Variants in RNF216 observed in about 807,000 individuals in gnomAD.
RNF216 encodes E3 ubiquitin-protein ligase RNF216.
RNF216 carries 72 observed loss-of-function variants against 110.8 expected under a neutral mutation model. The ratio of observed to expected loss-of-function variants is 0.65; its 90% CI spans 0.54 to 0.79. The LOEUF (loss-of-function observed/expected upper bound fraction) is 0.79, where lower values mean the gene tolerates loss of function less well. RNF216 is among the 30% of genes least tolerant of loss of function. RNF216 has a pLI of 0.00. For missense variants in RNF216, 1,342 were observed against 1,141.2 expected (o/e 1.18, Z -2.54); for synonymous variants, 495 against 407.5 (o/e 1.21, Z -2.59).
intron 10 of RNF216, 148 bp from the exon 11 acceptor site, chr7:5,715,338 T>A: frequency 2.9e-6 from 2 of 693,718 alleles, no homozygotes; most frequent in Non-Finnish European, 5.0e-6. Context: ...TGATATGCTG[T>A]TTCGTGCTAT....
In RNF216 at chr7:5,711,877, A is replaced by T. The variant is rs774005240; in HGVS notation, c.1983-38T>A. On this transcript the variant is annotated intron_variant, in intron 12 of 16. Transcript: ENST00000389902. Reference sequence around the variant, plus strand: ...CAGCAGAACTGACATTACTTCAAACATTAAAGCCTGATCTGGTTCCAGCTC... The same window carrying T: ...CAGCAGAACTGACATTACTTCAAACTTTAAAGCCTGATCTGGTTCCAGCTC... 16 of 1,574,692 alleles carry T rather than the reference A, an allele frequency of 1.0e-5. No individual in the cohort carries two copies. The Admixed American group carries it at 2.7e-4, about 27-fold the overall frequency.
intron 1 of RNF216, chr7:5,777,400 C>G (rs1302185308): frequency 6.6e-6 from 1 of 152,230 alleles, no homozygotes; most frequent in Non-Finnish European, 1.5e-5. Context: ...GCAATGACAG[C>G]TGTGCTTTAG....
chr7:5,674,765 G>C (rs549496677), intron 13 of RNF216, among the ~76,000 whole-genome samples: 18 of 152,238 alleles, frequency 1.2e-4, no homozygotes, highest in Non-Finnish European at 2.2e-4. Flanking sequence ...GGAGGCCGAG[G>C]TTGGCAGATC....
intron 13 of RNF216, 31 bp from the exon 14 acceptor site, chr7:5,652,541 T>A: frequency 1.4e-6 from 2 of 1,425,694 alleles, no homozygotes; most frequent in Non-Finnish European, 2.0e-6. Context: ...CAAAGACAAC[T>A]CCTGGTGAGT....
chr7:5,671,886 G>A (rs148538727), intron 13 of RNF216, among the ~76,000 whole-genome samples: 342 of 149,958 alleles, frequency 2.3e-3, no homozygotes, highest in Non-Finnish European at 3.0e-3. Flanking sequence ...GACACAGCAC[G>A]AAGACAGTCC....
chr7:5,777,979 G>A (rs184114129), intron 1 of RNF216, among the ~76,000 whole-genome samples: 10 of 152,184 alleles, frequency 6.6e-5, no homozygotes, highest in South Asian at 4.1e-4. Context: ...CGTTTTCAAC[G>A]ATCTTTTTAG....
intron 15 of RNF216, among the ~76,000 whole-genome samples, chr7:5,635,286 T>C (rs1398783132): frequency 6.7e-6 from 1 of 149,964 alleles, no homozygotes; most frequent in Non-Finnish European, 1.5e-5. Flanking sequence ...CCCCACTAAC[T>C]TCACTTTTTT....
At position 5,620,577 on chromosome 7, in the gene RNF216, C is replaced by T. The variant is rs1336726692; in HGVS notation, c.*2283G>A. On this transcript the variant is annotated 3_prime_UTR_variant, in exon 17 of 17. Coordinates refer to ENST00000389902, the MANE Select transcript of RNF216 (RefSeq NM_207111.4). ...CCCCCGTGCCTGGCTCGGGGAGGAT[C>T]CTCAGGAATCAGGGACCCTCCAAGG... The T allele has an allele frequency of 1.3e-5, 2 of 152,302 alleles. No homozygotes were observed. Among genetic ancestry groups the T allele is most frequent in the Admixed American group, 6.5e-5 (1 of 15,280 alleles). The allele number at this position is 152,302 out of a possible 1,614,324, so 9.4% of individuals were successfully genotyped here.
intron 13 of RNF216, among the ~76,000 whole-genome samples, chr7:5,655,535 G>C (rs534205061): frequency 6.6e-6 from 1 of 152,096 alleles, no homozygotes; most frequent in East Asian, 1.9e-4. Flanking sequence ...GAACCTGGGG[G>C]GCGGAGGTTG....
chr7:5,731,324 TA>T lies in RNF216; in HGVS notation c.1122-508del, dbSNP rs758045429. On this transcript the variant is annotated intron_variant, in intron 5 of 16. Transcript: ENST00000389902. The stretch of plus-strand genomic sequence containing the variant: ...GTGGTAACATAAATCTCTATGGTAA[TA>T]ATAAAGCTCTATGAGCCATTGAGTT... Among the ~76,000 whole-genome samples the T allele has an allele frequency of 6.9e-3, 1,051 of 152,360 alleles. 5 individuals carry two copies. Among genetic ancestry groups the T allele is most frequent in the African/African-American group, 0.02 (836 of 41,586 alleles).
intron 11 of RNF216, 61 bp downstream of exon 11, chr7:5,714,992 T>TG (rs1792951053): frequency 2.7e-6 from 4 of 1,481,754 alleles, no homozygotes; most frequent in Non-Finnish European, 3.6e-6. Context: ...TCTATCAACA[T>TG]GGTCTCCTTA....
intron 13 of RNF216, among the ~76,000 whole-genome samples, chr7:5,660,692 C>T (rs1789060045): frequency 6.6e-6 from 1 of 152,078 alleles, no homozygotes; most frequent in Admixed American, 6.6e-5. Context: ...ATCCTCCCAC[C>T]TCAGCCTCCC....
chr7:5,771,859 GA>G (rs1305594616), intron 1 of RNF216, among the ~76,000 whole-genome samples: 2 of 152,046 alleles, frequency 1.3e-5, no homozygotes, highest in African/African-American at 2.4e-5. Flanking sequence ...AACAACGGCT[GA>G]GTACCCCGAG....
chr7:5,721,266 C>A, intron 8 of RNF216, 94 bp from the exon 9 acceptor site: 1 of 1,096,206 alleles, frequency 9.1e-7, no homozygotes, highest in South Asian at 1.4e-5. Context: ...CATCCTCCAC[C>A]TTCTCTCTGA....
intron 5 of RNF216, among the ~76,000 whole-genome samples, chr7:5,737,685 G>A (rs181448944): frequency 2.0e-5 from 3 of 152,252 alleles, no homozygotes; most frequent in Non-Finnish European, 2.9e-5. Flanking sequence ...CTGGAAAGGG[G>A]CCCTTCCTTC....
At chr7:5,733,723 G>A (rs1794225938) in intron 5 of RNF216, among the ~76,000 whole-genome samples, 1 of 149,138 alleles carries the variant, frequency 6.7e-6, no homozygotes, top group African/African-American at 2.4e-5. Context: ...ACACGCAAGG[G>A]AAATACAATT....
intron 1 of RNF216, among the ~76,000 whole-genome samples, chr7:5,771,056 T>C (rs1796470194): frequency 6.6e-6 from 1 of 152,194 alleles, no homozygotes; most frequent in African/African-American, 2.4e-5. Flanking sequence ...TTCGCCCACC[T>C]TGGCCTCCCA....
At chr7:5,625,471 A>G (rs1228813300) in intron 15 of RNF216, among the ~76,000 whole-genome samples, 4 of 152,178 alleles carry the variant, frequency 2.6e-5, no homozygotes, top group Non-Finnish European at 5.9e-5. Flanking sequence ...TGACACCCAG[A>G]GCAGCAACTG....
At chr7:5,673,491 G>A (rs1377852692) in intron 13 of RNF216, among the ~76,000 whole-genome samples, 2 of 152,216 alleles carry the variant, frequency 1.3e-5, no homozygotes, top group African/African-American at 4.8e-5. Context: ...GGTTCCAACT[G>A]GGGGTGATGT....
Sources: gnomAD v4.1 joint callset for allele counts (sites outside exome capture counted in the v4.1 genomes callset) on GRCh38, gnomAD v4.1.1 for gene constraint, MANE v1.5 for transcripts, NCBI Gene and HGNC (gene_info 2026-07-23, HGNC 2026-07-21) for gene names.